Variants in SOX6 observed in about 807,000 individuals in gnomAD.
SOX6 encodes transcription factor SOX-6.
Under a neutral mutation model 97.8 loss-of-function variants are expected in SOX6, and 11 were observed. The ratio of observed to expected loss-of-function variants is 0.11; its 90% CI spans 0.07 to 0.19. The LOEUF (loss-of-function observed/expected upper bound fraction) is 0.19, where lower values mean the gene tolerates loss of function less well. SOX6 is among the 10% of genes least tolerant of loss of function. The pLI, the probability that SOX6 is intolerant of heterozygous loss-of-function variation, is 1.00. For missense variants in SOX6, 810 were observed against 1,039.5 expected (o/e 0.78, Z 3.04); for synonymous variants, 360 against 371.4 (o/e 0.97, Z 0.35).
chr11:16,583,591 A>ATG (rs372253698), intron 4 of SOX6, among the ~76,000 whole-genome samples: 2 of 93,778 alleles, frequency 2.1e-5, no homozygotes, highest in African/African-American at 7.9e-5. Context: ...ATATATATAT[A>ATG]TGTATATATG....
At chr11:16,659,698 A>T (rs1590042422) in intron 3 of SOX6, among the ~76,000 whole-genome samples, 1 of 152,276 alleles carries the variant, frequency 6.6e-6, no homozygotes, top group East Asian at 1.9e-4. Context: ...GAGATTGTTG[A>T]GAATTAGTAT....
chr11:16,465,462 A>G (rs1565154613), intron 1 of SOX6, among the ~76,000 whole-genome samples: 1 of 152,224 alleles, frequency 6.6e-6, no homozygotes, highest in Non-Finnish European at 1.5e-5. Context: ...AATAATGGAA[A>G]AAAATACATC....
chr11:16,603,609 G>A (rs1274293849), intron 4 of SOX6, among the ~76,000 whole-genome samples: 7 of 152,106 alleles, frequency 4.6e-5, no homozygotes, highest in African/African-American at 7.2e-5. Context: ...GACATACAAT[G>A]CCAAGCCTGG....
chr11:16,337,430 T>C (rs1452208251), intron 2 of SOX6, among the ~76,000 whole-genome samples: 1 of 152,086 alleles, frequency 6.6e-6, no homozygotes, highest in Non-Finnish European at 1.5e-5. Context: ...AAAATATTCC[T>C]CTCCATGCTT....
chr11:16,512,952 G>A (rs1404730798), intron 4 of SOX6, among the ~76,000 whole-genome samples: 2 of 152,168 alleles, frequency 1.3e-5, no homozygotes, highest in African/African-American at 4.8e-5. Flanking sequence ...CTCAACATCA[G>A]TACCAAATAA....
chr11:16,368,412 G>A (rs1169250686), intron 1 of SOX6, among the ~76,000 whole-genome samples: 4 of 152,054 alleles, frequency 2.6e-5, no homozygotes, highest in African/African-American at 9.7e-5. Flanking sequence ...TGCCCAGGAG[G>A]TCAAGGCTGC....
intron 9 of SOX6, among the ~76,000 whole-genome samples, chr11:16,068,030 A>G (rs1319604882): frequency 6.6e-6 from 1 of 152,194 alleles, no homozygotes; most frequent in East Asian, 1.9e-4. Flanking sequence ...TTACCCTGTA[A>G]CAGATTCTCT....
At chr11:16,147,330 C>T (rs1850333981) in intron 6 of SOX6, among the ~76,000 whole-genome samples, 1 of 151,914 alleles carries the variant, frequency 6.6e-6, no homozygotes, top group South Asian at 2.1e-4. Flanking sequence ...GGAAGGGGAA[C>T]ATCACACACT....
At chr11:16,021,607 G>T (rs935293797) in intron 12 of SOX6, among the ~76,000 whole-genome samples, 1 of 152,034 alleles carries the variant, frequency 6.6e-6, no homozygotes, top group Non-Finnish European at 1.5e-5. Context: ...AAGTAATCAT[G>T]ATAATATAGA....
chr11:16,002,261 A>G (rs890159347), intron 13 of SOX6, among the ~76,000 whole-genome samples: 3 of 152,182 alleles, frequency 2.0e-5, no homozygotes, highest in East Asian at 1.9e-4. Context: ...TCTGAGCTTA[A>G]AAAGGCTTAA....
chr11:16,717,302 G>A (rs997333276), intron 2 of SOX6, among the ~76,000 whole-genome samples: 1 of 152,010 alleles, frequency 6.6e-6, no homozygotes, highest in African/African-American at 2.4e-5. Flanking sequence ...GATCCTATCA[G>A]TATCAGTAAT....
In SOX6 at chr11:15,968,215, T is replaced by C. The variant is rs1299008560; in HGVS notation, c.*4594A>G. On this transcript the variant is annotated 3_prime_UTR_variant, in exon 16 of 16. Transcript: ENST00000683767. ...TGAGGTCATACAATATTATTATACT[T>C]TGAGAAGTGAGCTTAAGTGCCAACT... 7 of 152,156 alleles carry C rather than the reference T, an allele frequency of 4.6e-5. No individual in the cohort carries two copies. The highest frequency in any genetic ancestry group is 4.6e-4 in the Admixed American group (7 of 15,278). The allele number at this position is 152,156 out of a possible 1,614,324, so 9.4% of individuals were successfully genotyped here. A position where few individuals can be genotyped will look rare whatever the true frequency, so the allele number is the denominator to read the frequency against.
At chr11:16,621,859 T>G (rs1327433664) in intron 3 of SOX6, among the ~76,000 whole-genome samples, 1 of 152,186 alleles carries the variant, frequency 6.6e-6, no homozygotes, top group Non-Finnish European at 1.5e-5. Context: ...TCTCATGAAA[T>G]TCTATCAGAA....
chr11:16,199,561 T>A (rs1489692120), intron 4 of SOX6, among the ~76,000 whole-genome samples: 6 of 152,228 alleles, frequency 3.9e-5, no homozygotes, highest in Non-Finnish European at 7.3e-5. Context: ...TAAAAAAAGT[T>A]AACTAGTTTA....
chr11:16,289,227 A>C (rs1854836792), intron 3 of SOX6, among the ~76,000 whole-genome samples: 1 of 152,018 alleles, frequency 6.6e-6, no homozygotes, highest in Non-Finnish European at 1.5e-5. Context: ...AGTTTTAAAC[A>C]AGATGACCTA....
At chr11:16,328,211 G>A (rs920482020) in intron 2 of SOX6, among the ~76,000 whole-genome samples, 1 of 151,962 alleles carries the variant, frequency 6.6e-6, no homozygotes, top group African/African-American at 2.4e-5. Flanking sequence ...CCCTAAAATA[G>A]GTCCAAATAT....
chr11:16,433,686 C>G (rs1859313339), intron 1 of SOX6, among the ~76,000 whole-genome samples: 1 of 152,102 alleles, frequency 6.6e-6, no homozygotes, highest in African/African-American at 2.4e-5. Flanking sequence ...TGAAGAAGGT[C>G]AGTTTGCTTA....
intron 13 of SOX6, among the ~76,000 whole-genome samples, chr11:16,012,712 A>G (rs1854769292): frequency 6.6e-6 from 1 of 151,944 alleles, no homozygotes; most frequent in Non-Finnish European, 1.5e-5. Flanking sequence ...GCTGGGGAGA[A>G]TCTCAGCTCT....
At chr11:16,283,981 T>A in intron 3 of SOX6, 1 of 372,206 alleles carries the variant, frequency 2.7e-6, no homozygotes, top group Non-Finnish European at 5.1e-6. Flanking sequence ...AATATCAATA[T>A]TTAAATAATG....
Sources: allele counts gnomAD v4.1 joint callset (sites outside exome capture counted in the v4.1 genomes callset), GRCh38; gene constraint gnomAD v4.1.1; transcripts MANE v1.5; gene names NCBI Gene and HGNC (gene_info 2026-07-23, HGNC 2026-07-21).